Variants in CNBD1 observed in about 807,000 individuals in gnomAD.
CNBD1 encodes cyclic nucleotide-binding domain-containing protein 1.
Under a neutral mutation model 54.4 loss-of-function variants are expected in CNBD1, and 71 were observed. The ratio of observed to expected loss-of-function variants is 1.30; its 90% confidence interval spans 1.08 to 1.59. The LOEUF is 1.59. Ranked by LOEUF, CNBD1 falls within the 40% of genes most tolerant of loss-of-function variation. The pLI is 0.00. For synonymous variants in CNBD1, 182 were observed against 170.7 expected, an observed-to-expected ratio of 1.07 and a Z score of -0.51; for missense variants, 659 against 518.0, an observed-to-expected ratio of 1.27 and a Z score of -2.64.
At chr8:87,320,523 C>A (rs1404808584) in intron 8 of CNBD1, among the ~76,000 whole-genome samples, 1 of 151,496 alleles carries the variant, frequency 6.6e-6, no homozygotes, top group Non-Finnish European at 1.5e-5. Flanking sequence ...AAATTATGTG[C>A]CACCTCCCTT....
intron 8 of CNBD1, among the ~76,000 whole-genome samples, chr8:87,331,682 A>G (rs1160882754): frequency 2.0e-5 from 3 of 152,246 alleles, no homozygotes; most frequent in African/African-American, 4.8e-5. Flanking sequence ...CCCACCAGCA[A>G]TGTAAAAGCA....
intron 4 of CNBD1, among the ~76,000 whole-genome samples, chr8:87,173,777 T>C (rs967991951): frequency 3.3e-5 from 5 of 152,016 alleles, no homozygotes; most frequent in African/African-American, 1.2e-4. Context: ...TATAACCTTC[T>C]TGTACATGGA....
chr8:87,377,836 A>C (rs1039211603), intron 10 of CNBD1, among the ~76,000 whole-genome samples: 2 of 150,294 alleles, frequency 1.3e-5, no homozygotes, highest in African/African-American at 5.0e-5. Flanking sequence ...CTTTTTAATG[A>C]TTGCCATTCT....
chr8:87,263,539 T>G (rs181328396), intron 6 of CNBD1, among the ~76,000 whole-genome samples: 1 of 149,002 alleles, frequency 6.7e-6, no homozygotes, highest in African/African-American at 2.6e-5. Context: ...TAAAATTAGG[T>G]AAGTAATTGT....
chr8:86,926,616 T>G (rs1470777348), intron 3 of CNBD1, among the ~76,000 whole-genome samples: 1 of 152,138 alleles, frequency 6.6e-6, no homozygotes, highest in East Asian at 1.9e-4. Flanking sequence ...AAACACCAGG[T>G]GGGTCTCATA....
intron 9 of CNBD1, among the ~76,000 whole-genome samples, chr8:87,352,669 C>G (rs78329271): frequency 0.019 from 2,828 of 152,084 alleles, 87 homozygotes; most frequent in African/African-American, 0.062. Context: ...AAATGCCAAA[C>G]CTGAATGAGC....
chr8:86,967,726 A>G (rs1157078439), intron 4 of CNBD1, among the ~76,000 whole-genome samples: 2 of 151,548 alleles, frequency 1.3e-5, no homozygotes, highest in African/African-American at 4.8e-5. Context: ...CATAGTAATC[A>G]TAGTTTAAAA....
At chr8:87,342,521 GA>G (rs200224621) in intron 8 of CNBD1, among the ~76,000 whole-genome samples, 1,895 of 152,132 alleles carry the variant, frequency 0.012, 48 homozygotes, top group African/African-American at 0.043. Context: ...ATACATTTGA[GA>G]AAAACTATTG....
At chr8:87,408,990 C>A (rs749102840) in intron 2 of CNBD1, among the ~76,000 whole-genome samples, 7 of 151,886 alleles carry the variant, frequency 4.6e-5, no homozygotes, top group Non-Finnish European at 8.8e-5. Context: ...TCAAATTAGG[C>A]CAATTAATAA....
At chr8:86,936,680 T>C (rs1046894112) in intron 3 of CNBD1, among the ~76,000 whole-genome samples, 1 of 150,640 alleles carries the variant, frequency 6.6e-6, no homozygotes, top group Non-Finnish European at 1.5e-5. Context: ...GAGGCAGAGC[T>C]TGCAGTGAGC....
intron 3 of CNBD1, among the ~76,000 whole-genome samples, chr8:86,922,381 C>A (rs1023309835): frequency 6.6e-6 from 1 of 152,010 alleles, no homozygotes; most frequent in East Asian, 1.9e-4. Flanking sequence ...AGTGGACATG[C>A]CAGGTCATAG....
chr8:87,427,304 A>T (rs77146375), intron 2 of CNBD1, among the ~76,000 whole-genome samples: 1 of 152,072 alleles, frequency 6.6e-6, no homozygotes. Flanking sequence ...AAATTGTTTC[A>T]CTGCTTTTAA....
chr8:87,254,282 A>T (rs1807965705), intron 6 of CNBD1, among the ~76,000 whole-genome samples: 1 of 152,190 alleles, frequency 6.6e-6, no homozygotes, highest in East Asian at 1.9e-4. Flanking sequence ...TGAGAAAAAA[A>T]TTCCAGAGAG....
At chr8:87,185,928 T>C (rs925609641) in intron 4 of CNBD1, among the ~76,000 whole-genome samples, 9 of 152,130 alleles carry the variant, frequency 5.9e-5, no homozygotes, top group African/African-American at 1.7e-4. Context: ...TCCCATTCTT[T>C]ATCATAGAAA....
intron 4 of CNBD1, among the ~76,000 whole-genome samples, chr8:87,061,289 A>C (rs1563453812): frequency 6.6e-6 from 1 of 152,218 alleles, no homozygotes; most frequent in Admixed American, 6.5e-5. Flanking sequence ...AGTGTCCTTA[A>C]TCAGGACTAA....
At chr8:87,014,206 C>A (rs2130565551) in intron 4 of CNBD1, among the ~76,000 whole-genome samples, 1 of 149,780 alleles carries the variant, frequency 6.7e-6, no homozygotes, top group African/African-American at 2.4e-5. Context: ...TAAGTAAAAT[C>A]TTTACTAAAT....
intron 5 of CNBD1, among the ~76,000 whole-genome samples, chr8:87,215,199 A>G (rs1814183165): frequency 1.3e-5 from 2 of 152,144 alleles, no homozygotes; most frequent in South Asian, 4.2e-4. Flanking sequence ...TAGACCTTGA[A>G]ACCATTATGA....
intron 4 of CNBD1, among the ~76,000 whole-genome samples, chr8:87,139,863 T>G (rs1182311527): frequency 6.6e-6 from 1 of 152,300 alleles, no homozygotes; most frequent in Non-Finnish European, 1.5e-5. Context: ...CAGCTTTAAC[T>G]TGTACCTCAA....
intron 3 of CNBD1, among the ~76,000 whole-genome samples, chr8:86,935,587 GTCT>G (rs1273439926): frequency 3.9e-5 from 6 of 152,052 alleles, no homozygotes; most frequent in Non-Finnish European, 7.4e-5. Context: ...CTGTGTTGAA[GTCT>G]TCTTTTCCAT....
Sources: gnomAD v4.1 joint callset for allele counts (sites outside exome capture counted in the v4.1 genomes callset) on GRCh38, gnomAD v4.1.1 for gene constraint, MANE v1.5 for transcripts, NCBI Gene and HGNC (gene_info 2026-07-23, HGNC 2026-07-21) for gene names.